The following ADK variants were observed in gnomAD, a reference collection of about 807,000 sequenced individuals.
ADK encodes adenosine kinase, also known as N6,N6-dimethyladenosine kinase.
ADK carries 24 observed loss-of-function variants against 44.7 expected under a neutral mutation model. The observed-to-expected ratio is 0.54, with a 90% CI of 0.39 to 0.76. ADK has a LOEUF of 0.76. Ranked by LOEUF, ADK falls within the 30% of genes least tolerant of loss-of-function variation. The pLI is 0.00. For synonymous variants in ADK, 128 were observed against 142.6 expected, an observed-to-expected ratio of 0.90 and a Z score of 0.73; for missense variants, 321 against 425.1, an observed-to-expected ratio of 0.76 and a Z score of 2.15.
intron 3 of ADK, among the ~76,000 whole-genome samples, chr10:74,272,284 C>CTT (rs887955419): frequency 6.8e-6 from 1 of 146,498 alleles, no homozygotes; most frequent in Non-Finnish European, 1.5e-5. Context: ...TTCTTGCTCT[C>CTT]TTTTTTTTTT....
At chr10:74,407,783 G>A (rs1018949747) in intron 6 of ADK, among the ~76,000 whole-genome samples, 8 of 152,216 alleles carry the variant, frequency 5.3e-5, no homozygotes, top group African/African-American at 1.4e-4. Flanking sequence ...TAATTGTAGC[G>A]CTTACCTTAT....
chr10:74,678,914 C>G (rs1275731177), intron 10 of ADK, among the ~76,000 whole-genome samples: 1 of 152,180 alleles, frequency 6.6e-6, no homozygotes, highest in African/African-American at 2.4e-5. Context: ...TCTGATACAT[C>G]CAACATGTAT....
intron 8 of ADK, among the ~76,000 whole-genome samples, chr10:74,597,953 A>G (rs964497811): frequency 6.6e-6 from 1 of 152,170 alleles, no homozygotes; most frequent in Non-Finnish European, 1.5e-5. Flanking sequence ...TTTGTAATGA[A>G]TATCTTAGGG....
At chr10:74,501,179 A>G (rs1251413686) in intron 6 of ADK, among the ~76,000 whole-genome samples, 1 of 152,236 alleles carries the variant, frequency 6.6e-6, no homozygotes, top group East Asian at 1.9e-4. Context: ...ATTTAAAACA[A>G]CTGTGTCTGG....
chr10:74,659,967 ATTAACCATCACAAG>A (rs1418109107), intron 9 of ADK, among the ~76,000 whole-genome samples: 1 of 152,184 alleles, frequency 6.6e-6, no homozygotes, highest in African/African-American at 2.4e-5. Context: ...GACCCTCAGT[ATTAACCATCACAAG>A]TTTCATTTCA....
intron 1 of ADK, among the ~76,000 whole-genome samples, chr10:74,182,223 A>G (rs1444470004): frequency 2.0e-5 from 3 of 150,914 alleles, no homozygotes; most frequent in African/African-American, 7.4e-5. Flanking sequence ...TTAAAATACG[A>G]ATTGTAAATT....
intron 4 of ADK, among the ~76,000 whole-genome samples, chr10:74,377,355 A>G (rs1272081879): frequency 2.6e-5 from 4 of 152,174 alleles, no homozygotes; most frequent in Non-Finnish European, 5.9e-5. Context: ...GGAGTTTTAC[A>G]CTAAATGGGT....
intron 4 of ADK, chr10:74,344,469 C>T (rs144731094): frequency 5.9e-4 from 113 of 191,760 alleles, no homozygotes; most frequent in African/African-American, 2.0e-3. Context: ...CAAGGTGGCA[C>T]CTGCTTTCAG....
intron 10 of ADK, among the ~76,000 whole-genome samples, chr10:74,690,227 G>A (rs533792714): frequency 6.6e-6 from 1 of 152,326 alleles, no homozygotes; most frequent in East Asian, 1.9e-4. Flanking sequence ...GGGTGTGGTG[G>A]CTCACACCTG....
chr10:74,523,511 T>C (rs145329745), intron 6 of ADK, among the ~76,000 whole-genome samples: 2 of 152,182 alleles, frequency 1.3e-5, no homozygotes, highest in Admixed American at 6.5e-5. Context: ...ATTTTTGTTC[T>C]CCATTTTTTC....
At chr10:74,598,259 G>A (rs1406726895) in intron 8 of ADK, among the ~76,000 whole-genome samples, 1 of 152,038 alleles carries the variant, frequency 6.6e-6, no homozygotes, top group Non-Finnish European at 1.5e-5. Context: ...GAGAAATAAA[G>A]TTTTACATAC....
At chr10:74,371,642 G>A (rs1428537937) in intron 4 of ADK, 45 of 1,004,318 alleles carry the variant, frequency 4.5e-5, no homozygotes, top group Non-Finnish European at 6.4e-5. Context: ...AGATGGAACA[G>A]TACATCTCTA....
chr10:74,502,607 A>G (rs1010522091), intron 6 of ADK, among the ~76,000 whole-genome samples: 3 of 152,266 alleles, frequency 2.0e-5, no homozygotes, highest in South Asian at 2.1e-4. Flanking sequence ...GTTTCTTTCA[A>G]TAGACGAAAG....
intron 3 of ADK, among the ~76,000 whole-genome samples, chr10:74,249,993 T>C (rs1337254350): frequency 6.6e-6 from 1 of 152,192 alleles, no homozygotes; most frequent in African/African-American, 2.4e-5. Flanking sequence ...ATAAGTATTT[T>C]TAGTAATATG....
Position 74,553,190 on chromosome 10 carries a change from G to GTTTTTTTT in ADK, c.726+27786_726+27793dup, listed in dbSNP as rs386371837. On this transcript the variant is annotated intron_variant, in intron 7 of 10. Coordinates refer to ENST00000539909, the MANE Select transcript of ADK (RefSeq NM_006721.4). Reference sequence around the variant, plus strand: ...ACAAGACAATTTTTCAGCACATTGTGTTTTTTTTTTTTTTTTTTTTTTTTT... The same window carrying GTTTTTTTT: ...ACAAGACAATTTTTCAGCACATTGTGTTTTTTTTTTTTTTTTTTTTTTTTTTTTTTTTT... Among the ~76,000 whole-genome samples the GTTTTTTTT allele has an allele frequency of 3.3e-4, 20 of 60,442 alleles. 5 individuals are homozygous for GTTTTTTTT. Among genetic ancestry groups the GTTTTTTTT allele is most frequent in the South Asian group, 8.2e-4 (1 of 1,222 alleles). The allele number at this position is 60,442 out of a possible 152,430, so 39.7% of individuals were successfully genotyped here.
intron 6 of ADK, among the ~76,000 whole-genome samples, chr10:74,407,280 G>A (rs911957563): frequency 2.0e-5 from 3 of 152,070 alleles, no homozygotes; most frequent in Non-Finnish European, 4.4e-5. Context: ...TTACTCTGAA[G>A]TTTACTAATT....
chr10:74,260,880 C>T (rs550117996), intron 3 of ADK, among the ~76,000 whole-genome samples: 2 of 152,300 alleles, frequency 1.3e-5, no homozygotes, highest in East Asian at 3.9e-4. Context: ...AGTCTCCTAT[C>T]CTACCCTGGG....
chr10:74,255,200 G>A (rs1362588460), intron 3 of ADK, among the ~76,000 whole-genome samples: 2 of 152,058 alleles, frequency 1.3e-5, no homozygotes, highest in African/African-American at 4.8e-5. Flanking sequence ...GGCAAAAATT[G>A]TAGGACAGGG....
chr10:74,656,793 G>GTAAA (rs1233731760), intron 9 of ADK, among the ~76,000 whole-genome samples: 4 of 152,190 alleles, frequency 2.6e-5, no homozygotes, highest in Admixed American at 6.5e-5. Flanking sequence ...TTCCTTTTAA[G>GTAAA]TAAATAAATA....
Sources: allele counts gnomAD v4.1 joint callset (sites outside exome capture counted in the v4.1 genomes callset), GRCh38; gene constraint gnomAD v4.1.1; transcripts MANE v1.5; gene names NCBI Gene and HGNC (gene_info 2026-07-23, HGNC 2026-07-21).